TJP1: variants seen among roughly 807,000 people sequenced by gnomAD.
TJP1 encodes the protein tight junction protein ZO-1.
TJP1 carries 43 observed loss-of-function variants against 194.2 expected under a neutral mutation model. That is an observed-to-expected ratio of 0.22 (90% CI 0.17 to 0.29). The LOEUF (loss-of-function observed/expected upper bound fraction) is 0.29. TJP1 is among the 10% of genes least tolerant of loss of function. The pLI is 1.00. For missense variants in TJP1, 1,971 were observed against 2,185.7 expected (o/e 0.90, Z 1.96); for synonymous variants, 801 against 779.0 (o/e 1.03, Z -0.47).
At chr15:29,741,194 A>C (rs1481499568) in intron 10 of TJP1, 137 bp downstream of exon 10, 1 of 646,946 alleles carries the variant, frequency 1.5e-6, no homozygotes, top group Non-Finnish European at 2.6e-6. Context: ...CAGAATGTTA[A>C]ATATAAAAAT....
chr15:29,901,512 T>A (rs540025847), intron 2 of TJP1, among the ~76,000 whole-genome samples: 1 of 152,278 alleles, frequency 6.6e-6, no homozygotes, highest in South Asian at 2.1e-4. Context: ...CTGCCAATGA[T>A]CCTTGGCAGT....
At chr15:29,938,545 C>T (rs925043774) in intron 2 of TJP1, among the ~76,000 whole-genome samples, 3 of 152,278 alleles carry the variant, frequency 2.0e-5, no homozygotes, top group South Asian at 2.1e-4. Context: ...TCTGACAGCA[C>T]GGAAGTCCTT....
chr15:29,717,981 T>C, intron 22 of TJP1, 40 bp downstream of exon 22: 1 of 1,535,992 alleles, frequency 6.5e-7, no homozygotes, highest in Non-Finnish European at 8.9e-7. Context: ...GTTAAATTCC[T>C]GGTCAGTTCT....
At chr15:29,843,874 C>G (rs2051316967) in intron 2 of TJP1, among the ~76,000 whole-genome samples, 1 of 152,002 alleles carries the variant, frequency 6.6e-6, no homozygotes, top group Admixed American at 6.6e-5. Flanking sequence ...ACATGTACAT[C>G]CAGGAAAATG....
At chr15:29,809,038 T>C (rs1295954217) in intron 1 of TJP1, among the ~76,000 whole-genome samples, 2 of 152,262 alleles carry the variant, frequency 1.3e-5, no homozygotes, top group South Asian at 4.2e-4. Flanking sequence ...AACTGAGATA[T>C]GGTATATGTA....
intron 2 of TJP1, among the ~76,000 whole-genome samples, chr15:29,878,066 T>TG (rs201305829): frequency 2.0e-5 from 3 of 150,022 alleles, no homozygotes; most frequent in African/African-American, 7.5e-5. Flanking sequence ...TTTGTTTGTT[T>TG]TTTGAGACGG....
At chr15:29,963,877 C>G (rs1281771330) in intron 1 of TJP1, among the ~76,000 whole-genome samples, 1 of 152,172 alleles carries the variant, frequency 6.6e-6, no homozygotes, top group African/African-American at 2.4e-5. Context: ...TGGTCTCGAT[C>G]TCTTGACCTT....
Position 29,836,461 on chromosome 15 carries a change from C to G in TJP1, c.307-35759G>C, listed in dbSNP as rs1030493790. 7.3e-4 allele frequency among the ~76,000 whole-genome samples: 110 copies of G among 151,274 alleles called. 1 individual carries two copies. The highest frequency in any genetic ancestry group is 2.5e-3 in the African/African-American group (102 of 40,898). Reference sequence around the variant, plus strand: ...CTAATTTTTTGTATTTTAGTAGAGACGGGGTTTCACCGTGTTGGCCAGGAT... The same window carrying G: ...CTAATTTTTTGTATTTTAGTAGAGAGGGGGTTTCACCGTGTTGGCCAGGAT... On this transcript the variant is annotated intron_variant, in intron 2 of 28. Transcript: ENST00000356107.
intron 2 of TJP1, among the ~76,000 whole-genome samples, chr15:29,777,483 A>AAAAT (rs953031612): frequency 8.5e-5 from 13 of 152,222 alleles, no homozygotes; most frequent in Non-Finnish European, 1.3e-4. Flanking sequence ...TGAAGGGAGA[A>AAAAT]AAATAAATAA....
At chr15:29,924,868 G>A (rs1442057118) in intron 2 of TJP1, among the ~76,000 whole-genome samples, 1 of 152,218 alleles carries the variant, frequency 6.6e-6, no homozygotes, top group Non-Finnish European at 1.5e-5. Flanking sequence ...GTAGGGGCTA[G>A]GCCCACGGGG....
intron 2 of TJP1, among the ~76,000 whole-genome samples, chr15:29,795,135 A>G (rs1183534599): frequency 1.3e-5 from 2 of 152,156 alleles, no homozygotes; most frequent in Non-Finnish European, 1.5e-5. Context: ...GAAAGACACA[A>G]ACTACCAGTC....
intron 2 of TJP1, among the ~76,000 whole-genome samples, chr15:29,894,955 GC>G (rs1431771666): frequency 6.6e-6 from 1 of 152,202 alleles, no homozygotes; most frequent in East Asian, 1.9e-4. Context: ...GGAGAGCAGA[GC>G]TTTGAGATGG....
chr15:29,816,229 G>A (rs990664072), intron 1 of TJP1, among the ~76,000 whole-genome samples: 2 of 151,978 alleles, frequency 1.3e-5, no homozygotes, highest in African/African-American at 2.4e-5. Context: ...GGTTTCGGCC[G>A]TGTTGGTTGT....
chr15:29,801,704 G>A (rs1204047738), intron 1 of TJP1, among the ~76,000 whole-genome samples: 10 of 151,356 alleles, frequency 6.6e-5, no homozygotes, highest in East Asian at 1.9e-4. Flanking sequence ...CTCCTGATCC[G>A]CCCGCCTCGG....
intron 2 of TJP1, among the ~76,000 whole-genome samples, chr15:29,894,845 C>G (rs1226960610): frequency 2.0e-5 from 3 of 152,226 alleles, no homozygotes; most frequent in Non-Finnish European, 4.4e-5. Flanking sequence ...TGGGGGCTGA[C>G]AAGGTTTACT....
chr15:29,709,789 G>A (rs2042124611), intron 24 of TJP1, among the ~76,000 whole-genome samples: 1 of 152,114 alleles, frequency 6.6e-6, no homozygotes, highest in Admixed American at 6.5e-5. Flanking sequence ...TAGCAAAAGA[G>A]GTCCAATTTC....
At chr15:29,757,006 G>A (rs1400777646) in intron 8 of TJP1, among the ~76,000 whole-genome samples, 1 of 152,118 alleles carries the variant, frequency 6.6e-6, no homozygotes, top group African/African-American at 2.4e-5. Flanking sequence ...GAACACATGT[G>A]CCAGGTATTG....
In TJP1 at chr15:29,726,807, C is replaced by G. The variant is rs774200321; in HGVS notation, c.2285G>C (p.Arg762Pro). ...TGTAAAAAGATGGTGATTATTTTTA[C>G]GAAGTTTATGAGATCGCTCGTATAA... ...RKLYERSHKL[R>P]KNNHHLFTTT... Residue 762 changes from arginine to proline, a missense_variant, in exon 17 of 28, where the codon CGT (arginine) becomes CCT (proline). Arg to Pro is a moderately radical substitution (Grantham distance 103). Coordinates refer to ENST00000614355, the MANE Select transcript of TJP1 (RefSeq NM_001330239.4). 1.2e-6 allele frequency: 2 copies of G among 1,613,910 alleles called. No homozygotes were observed.
At chr15:29,816,437 G>A (rs1052586519) in intron 1 of TJP1, among the ~76,000 whole-genome samples, 1 of 152,146 alleles carries the variant, frequency 6.6e-6, no homozygotes, top group Admixed American at 6.5e-5. Flanking sequence ...ACAAATGTAA[G>A]AGTTGTAAAA....
Sources: gnomAD v4.1 joint callset for allele counts (sites outside exome capture counted in the v4.1 genomes callset) on GRCh38, gnomAD v4.1.1 for gene constraint, MANE v1.5 for transcripts, NCBI Gene and HGNC (gene_info 2026-07-23, HGNC 2026-07-21) for gene names.